Variants in LMTK2 observed in about 807,000 individuals in gnomAD.
LMTK2 encodes lemur tail kinase 2.
Under a neutral mutation model 127.5 loss-of-function variants are expected in LMTK2, and 37 were observed. The ratio of observed to expected loss-of-function variants is 0.29; its 90% CI spans 0.22 to 0.38. The LOEUF is 0.38. Ranked by LOEUF, LMTK2 falls within the 10% of genes least tolerant of loss-of-function variation. The pLI is 1.00. For synonymous variants in LMTK2, 819 were observed against 810.1 expected (o/e 1.01, Z -0.19); for missense variants, 1,694 against 1,920.3 (o/e 0.88, Z 2.20).
At position 98,107,256 on chromosome 7, in the gene LMTK2, G is replaced by A; in HGVS notation, c.79G>A (p.Ala27Thr). ...CCTGATCGCCGGCAGTGCTGGGGCC[G>A]CGCCACTTCCGCAAACAGGTGCAGG... ...VLLIAGSAGA[A>T]PLPQTGAGEA... The change falls in exon 1 of 14, where the codon GCG (alanine) becomes ACG (threonine). Residue 27 changes from alanine (A) to threonine (T), a missense_variant. Around this residue, in one of 8 missense-constraint regions of LMTK2, gnomAD observed 76 missense variants for 82.0 expected, o/e 0.93. Transcript: ENST00000297293. The A allele has an allele frequency of 7.0e-7, 1 of 1,433,700 alleles. No individual in the cohort carries two copies. Among genetic ancestry groups the A allele is most frequent in the Non-Finnish European group, 9.1e-7 (1 of 1,099,032 alleles). 88.8% of individuals were successfully genotyped at this position (1,433,700 alleles called of 1,614,324 possible).
intron 6 of LMTK2, among the ~76,000 whole-genome samples, chr7:98,168,584 ATTTAC>A (rs898133346): frequency 6.6e-6 from 1 of 152,154 alleles, no homozygotes; most frequent in Non-Finnish European, 1.5e-5. Flanking sequence ...TTCTAAAGCT[ATTTAC>A]TTGTTGACTT....
intron 11 of LMTK2, among the ~76,000 whole-genome samples, chr7:98,197,447 T>TG (rs1797640312): frequency 6.6e-6 from 1 of 152,254 alleles, no homozygotes; most frequent in African/African-American, 2.4e-5. Flanking sequence ...TTTTAGCACT[T>TG]GCGATGTCCT....
intron 4 of LMTK2, among the ~76,000 whole-genome samples, chr7:98,152,796 G>A (rs1384396070): frequency 6.6e-6 from 1 of 152,186 alleles, no homozygotes; most frequent in Non-Finnish European, 1.5e-5. Flanking sequence ...GGAAGTCATA[G>A]AGGGGGAAGG....
intron 1 of LMTK2, among the ~76,000 whole-genome samples, chr7:98,120,564 C>T (rs1796346499): frequency 6.6e-6 from 1 of 152,164 alleles, no homozygotes; most frequent in African/African-American, 2.4e-5. Flanking sequence ...TCAGATTAGC[C>T]ACTAAATTTA....
intron 1 of LMTK2, among the ~76,000 whole-genome samples, chr7:98,134,240 A>G (rs78339027): frequency 1.3e-5 from 2 of 152,182 alleles, no homozygotes; most frequent in East Asian, 1.9e-4. Context: ...TATTTTATCA[A>G]ATGTCAGATG....
At chr7:98,163,729 C>T (rs1797048648) in intron 6 of LMTK2, among the ~76,000 whole-genome samples, 1 of 152,212 alleles carries the variant, frequency 6.6e-6, no homozygotes, top group Admixed American at 6.5e-5. Flanking sequence ...GTCTCTTTGA[C>T]ACTGAGCCCA....
At position 98,191,983 on chromosome 7, in the gene LMTK2, G is replaced by A. The variant is rs151118353; in HGVS notation, c.1518G>A (p.Pro506=). 6 of 1,613,454 alleles carry A rather than the reference G, an allele frequency of 3.7e-6. No homozygotes were observed. The highest frequency in any genetic ancestry group is 1.6e-4 in the Middle Eastern group (1 of 6,062). The change falls in exon 11 of 14, where the codon CCG becomes CCA. Residue 506 remains proline, a synonymous_variant. Coordinates refer to ENST00000297293, the MANE Select transcript of LMTK2 (RefSeq NM_014916.4). The part of the protein sequence containing the change: ...EGLSYTSIFY[P]VEVFESSLSD... ...TGTCCTACACGAGCATCTTCTATCC[G>A]GTTGAAGTTTTTGAGAGTTCGCTTT...
At chr7:98,199,683 TGGGGTTTCA>T in intron 11 of LMTK2, among the ~76,000 whole-genome samples, 1 of 152,106 alleles carries the variant, frequency 6.6e-6, no homozygotes, top group African/African-American at 2.4e-5. Flanking sequence ...TTTGTAGAGA[TGGGGTTTCA>T]CCATGTTGGC....
Position 98,190,341 on chromosome 7 carries a change from G to A in LMTK2, c.999-387G>A, listed in dbSNP as rs113935495. 4.0e-3 allele frequency among the ~76,000 whole-genome samples: 615 copies of A among 152,324 alleles called. 2 individuals are homozygous for A. The highest frequency in any genetic ancestry group is 6.2e-3 in the Non-Finnish European group (421 of 68,032). On this transcript the variant is annotated intron_variant, in intron 9 of 13. Transcript: ENST00000297293. The stretch of plus-strand genomic sequence containing the variant: ...TCACGCCTGTAATCTCAGCACTTTG[G>A]AAGGCCAAGGCAGGTGGATCACCTG...
chr7:98,154,705 A>C (rs1036786020), intron 4 of LMTK2, 53 bp from the exon 5 acceptor site: 2 of 1,124,236 alleles, frequency 1.8e-6, no homozygotes, highest in Non-Finnish European at 2.7e-6. Flanking sequence ...AATGCAGCAG[A>C]CTCCTTTATC....
chr7:98,150,346 A>T (rs578136185), intron 3 of LMTK2, among the ~76,000 whole-genome samples: 4 of 151,804 alleles, frequency 2.6e-5, no homozygotes, highest in African/African-American at 9.7e-5. Flanking sequence ...CTAAAATAAG[A>T]TTGCATACCC....
chr7:98,164,159 G>C (rs1293002590), intron 6 of LMTK2, among the ~76,000 whole-genome samples: 1 of 152,242 alleles, frequency 6.6e-6, no homozygotes, highest in African/African-American at 2.4e-5. Context: ...TGCAGCCACA[G>C]ATTTGCAATG....
chr7:98,108,788 A>G (rs1796154950), intron 1 of LMTK2, among the ~76,000 whole-genome samples: 1 of 151,770 alleles, frequency 6.6e-6, no homozygotes, highest in Admixed American at 6.6e-5. Context: ...AGATGACTTT[A>G]CACTTAATTG....
In LMTK2 at chr7:98,203,994, A is replaced by G. The variant is rs768149074; in HGVS notation, c.4291A>G (p.Lys1431Glu). The change falls in exon 13 of 14, where the codon AAG (lysine) becomes GAG (glutamate). Residue 1431 changes from lysine to glutamate, a missense_variant. Around this residue, in one of 8 missense-constraint regions of LMTK2, gnomAD observed 554 missense variants for 567.7 expected, o/e 0.98. Transcript: ENST00000297293. ...DDFSPDPFMS[K>E]TTSNLLSSKP... ...CTTCTCCCCAGATCCTTTTATGTCA[A>G]AGACAACAAGTAACCTGCTCAGCTC... 1.9e-6 allele frequency: 3 copies of G among 1,614,162 alleles called. No homozygotes were observed. Among genetic ancestry groups the G allele is most frequent in the Non-Finnish European group, 2.5e-6 (3 of 1,180,008 alleles).
intron 5 of LMTK2, among the ~76,000 whole-genome samples, chr7:98,158,531 C>T (rs1796963575): frequency 2.0e-5 from 3 of 151,770 alleles, no homozygotes; most frequent in Non-Finnish European, 4.4e-5. Flanking sequence ...CCCTCTGTAT[C>T]CACAGGTTCT....
chr7:98,177,518 C>T (rs1386466318), intron 7 of LMTK2, among the ~76,000 whole-genome samples: 1 of 152,108 alleles, frequency 6.6e-6, no homozygotes, highest in Non-Finnish European at 1.5e-5. Context: ...TTTTTTGAGA[C>T]AGGGTCTCGC....
intron 1 of LMTK2, among the ~76,000 whole-genome samples, chr7:98,115,911 A>G (rs574264737): frequency 3.9e-5 from 6 of 152,264 alleles, no homozygotes; most frequent in African/African-American, 1.4e-4. Context: ...TTAAGAGACA[A>G]AGTCTTGCTC....
At chr7:98,178,253 G>A (rs1430767353) in intron 7 of LMTK2, among the ~76,000 whole-genome samples, 1 of 152,210 alleles carries the variant, frequency 6.6e-6, no homozygotes, top group Non-Finnish European at 1.5e-5. Context: ...GAAAGCATAA[G>A]TAGTTCACAT....
At chr7:98,133,987 A>C (rs1282849583) in intron 1 of LMTK2, among the ~76,000 whole-genome samples, 1 of 152,222 alleles carries the variant, frequency 6.6e-6, no homozygotes, top group Non-Finnish European at 1.5e-5. Flanking sequence ...AAACTACCCT[A>C]ATTAATGACA....
Sources: gnomAD v4.1 joint callset for allele counts (sites outside exome capture counted in the v4.1 genomes callset) on GRCh38, gnomAD v4.1.1 for gene constraint, gnomAD v4.1.1 regional missense constraint, MANE v1.5 for transcripts, NCBI Gene and HGNC (gene_info 2026-07-23, HGNC 2026-07-21) for gene names.